Variants in ARRB1 observed in about 807,000 individuals in gnomAD.
The protein encoded by ARRB1 is arrestin beta 1.
A neutral mutation model predicts 56.8 loss-of-function variants in ARRB1; 21 were observed. The ratio of observed to expected loss-of-function variants is 0.37; its 90% confidence interval spans 0.26 to 0.53. ARRB1 has a LOEUF of 0.53. ARRB1 is among the 20% of genes least tolerant of loss of function. The pLI is 0.88. For missense variants in ARRB1, 424 were observed against 553.7 expected, an observed-to-expected ratio of 0.77 and a Z score of 2.35; for synonymous variants, 210 against 218.6, an observed-to-expected ratio of 0.96 and a Z score of 0.35.
At chr11:75,308,787 A>C (rs2140477766) in intron 1 of ARRB1, among the ~76,000 whole-genome samples, 1 of 151,348 alleles carries the variant, frequency 6.6e-6, no homozygotes, top group Non-Finnish European at 1.5e-5. Context: ...TTTTCTGGAG[A>C]AAGGGTCTCA....
chr11:75,297,269 A>G (rs79857498), intron 1 of ARRB1, among the ~76,000 whole-genome samples: 2 of 77,936 alleles, frequency 2.6e-5, no homozygotes, highest in Admixed American at 1.1e-4. Context: ...AACTATCTTG[A>G]AAAAAAAAAA....
chr11:75,330,448 GC>G (rs1947504362), intron 1 of ARRB1, among the ~76,000 whole-genome samples: 3 of 152,250 alleles, frequency 2.0e-5, no homozygotes, highest in Admixed American at 6.5e-5. Context: ...CCCTGGGCTG[GC>G]CCCTGGCTAT....
At chr11:75,318,083 G>A (rs1947291504) in intron 1 of ARRB1, among the ~76,000 whole-genome samples, 1 of 151,710 alleles carries the variant, frequency 6.6e-6, no homozygotes, top group Non-Finnish European at 1.5e-5. Flanking sequence ...ACAGGTTGCT[G>A]GGGCCCAGTC....
At chr11:75,300,490 C>G (rs1250891410) in intron 1 of ARRB1, among the ~76,000 whole-genome samples, 3 of 152,130 alleles carry the variant, frequency 2.0e-5, no homozygotes. Flanking sequence ...TAATCACTCA[C>G]AATACTGCCT....
chr11:75,330,835 T>C (rs947700958), intron 1 of ARRB1, among the ~76,000 whole-genome samples: 13 of 152,194 alleles, frequency 8.5e-5, no homozygotes, highest in African/African-American at 2.7e-4. Flanking sequence ...GGCAGGGAAC[T>C]TTCCCCAACT....
At position 75,287,354 on chromosome 11, in the gene ARRB1, G is replaced by A; in HGVS notation, c.73C>T (p.Arg25Trp). 1.9e-6 allele frequency: 3 copies of A among 1,561,010 alleles called. No individual in the cohort carries two copies. The highest frequency in any genetic ancestry group is 2.4e-5 in the East Asian group (1 of 41,734). Residue 25 changes from arginine (R) to tryptophan (W), a missense_variant, in exon 3 of 16, where the codon CGG (arginine) becomes TGG (tryptophan). Transcript: ENST00000420843. ...NGKLTVYLGKRDFVDHIDLVD... is the reference protein window; with the variant it reads ...NGKLTVYLGKWDFVDHIDLVD... ...AGGTCGATGTGGTCCACAAAGTCCC[G>A]CTTTCCCAGGTAGACGGTGAGCTGA...
chr11:75,288,616 C>CTTTTTT, intron 2 of ARRB1, among the ~76,000 whole-genome samples: 1 of 133,560 alleles, frequency 7.5e-6, no homozygotes, highest in Non-Finnish European at 1.6e-5. Context: ...GCAAATCTTT[C>CTTTTTT]TTTTTTTTTT....
intron 1 of ARRB1, among the ~76,000 whole-genome samples, chr11:75,292,733 G>A (rs973731180): frequency 3.3e-5 from 5 of 152,148 alleles, no homozygotes; most frequent in South Asian, 2.1e-4. Context: ...TGGAAGGAGC[G>A]AGACACCCTG....
chr11:75,336,527 C>T (rs1467873005), intron 1 of ARRB1, among the ~76,000 whole-genome samples: 1 of 152,176 alleles, frequency 6.6e-6, no homozygotes, highest in Non-Finnish European at 1.5e-5. Context: ...TATACCTACT[C>T]TACGAATCTT....
At chr11:75,342,102 A>C (rs1003531075) in intron 1 of ARRB1, among the ~76,000 whole-genome samples, 3 of 152,236 alleles carry the variant, frequency 2.0e-5, no homozygotes, top group Non-Finnish European at 4.4e-5. Flanking sequence ...ATGGCAGCAC[A>C]GGGACAGTGA....
chr11:75,285,654 T>A (rs1946452911), intron 3 of ARRB1, among the ~76,000 whole-genome samples: 1 of 151,556 alleles, frequency 6.6e-6, no homozygotes, highest in Non-Finnish European at 1.5e-5. Context: ...TCACAGTGAG[T>A]CCCTGATCAG....
chr11:75,322,333 C>G (rs930962736), intron 1 of ARRB1, among the ~76,000 whole-genome samples: 1 of 152,312 alleles, frequency 6.6e-6, no homozygotes, highest in East Asian at 1.9e-4. Context: ...TGGCAAAACC[C>G]TGTCTTTACT....
In ARRB1 at chr11:75,286,596, G is replaced by A. The variant is rs534533852; in HGVS notation, c.112+719C>T. The stretch of plus-strand genomic sequence containing the variant: ...CATTTTTAGTTGGCCTAACTGGAGC[G>A]TGAGGTACTCTGGGCATCGAATGAG... On this transcript the variant is annotated intron_variant, in intron 3 of 15. Coordinates refer to ENST00000420843, the MANE Select transcript of ARRB1 (RefSeq NM_004041.5). Among the ~76,000 whole-genome samples, 14 of 152,178 alleles carry A rather than the reference G, an allele frequency of 9.2e-5. No individual in the cohort carries two copies. The East Asian group carries it at 2.5e-3, about 27-fold the overall frequency.
chr11:75,349,515 G>A (rs1173149159), intron 1 of ARRB1, among the ~76,000 whole-genome samples: 1 of 152,240 alleles, frequency 6.6e-6, no homozygotes, highest in African/African-American at 2.4e-5. Context: ...CATGTCAGCA[G>A]GACAACAATG....
intron 1 of ARRB1, among the ~76,000 whole-genome samples, chr11:75,296,457 T>C (rs1024299173): frequency 1.3e-5 from 2 of 152,132 alleles, no homozygotes; most frequent in Non-Finnish European, 2.9e-5. Context: ...TGTCAGTTTC[T>C]CCAGTGAGCC....
At chr11:75,299,681 G>A (rs1946850801) in intron 1 of ARRB1, among the ~76,000 whole-genome samples, 1 of 152,114 alleles carries the variant, frequency 6.6e-6, no homozygotes. Flanking sequence ...CATCCAGTGT[G>A]TCCCCATTCA....
At chr11:75,268,267 G>A (rs569279895) in intron 14 of ARRB1, among the ~76,000 whole-genome samples, 1 of 152,262 alleles carries the variant, frequency 6.6e-6, no homozygotes, top group South Asian at 2.1e-4. Context: ...CACTTTGGGA[G>A]GTTGAGGCGG....
At chr11:75,311,509 G>A (rs1480833870) in intron 1 of ARRB1, among the ~76,000 whole-genome samples, 1 of 152,214 alleles carries the variant, frequency 6.6e-6, no homozygotes, top group African/African-American at 2.4e-5. Flanking sequence ...AATTGCAGAA[G>A]AGAACGTTAA....
rs1945805364 is a variant in ARRB1, at chr11:75,262,073, C to T, written c.*4090G>A. On this transcript the variant is annotated 3_prime_UTR_variant, in exon 16 of 16. Transcript: ENST00000420843. The stretch of plus-strand genomic sequence containing the variant: ...GGTTTTTCCTGGGCCCGAAGCCCTC[C>T]CAATGTCACTGAGAAGCTGTGGTGG... 1 of 152,240 alleles carries T rather than the reference C, an allele frequency of 6.6e-6. No homozygotes were observed. The highest frequency in any genetic ancestry group is 1.9e-4 in the East Asian group (1 of 5,202). 9.4% of individuals were successfully genotyped at this position (152,240 alleles called of 1,614,324 possible). A position where few individuals can be genotyped will look rare whatever the true frequency, so the allele number is the denominator to read the frequency against.
Sources: allele counts gnomAD v4.1 joint callset (sites outside exome capture counted in the v4.1 genomes callset), GRCh38; gene constraint gnomAD v4.1.1; transcripts MANE v1.5; gene names NCBI Gene and HGNC (gene_info 2026-07-23, HGNC 2026-07-21).